The following ATXN1 variants were observed in gnomAD, a reference collection of about 807,000 sequenced individuals.
ATXN1 encodes the protein ataxin-1.
In ATXN1, 8 loss-of-function variants were observed where a neutral mutation model predicts 56.4. The ratio of observed to expected loss-of-function variants is 0.14; its 90% confidence interval spans 0.08 to 0.26. ATXN1 has a LOEUF of 0.26. Among genes scored for constraint, ATXN1 ranks in the 10% least tolerant of loss-of-function variants. The pLI is 1.00. For synonymous variants in ATXN1, 514 were observed against 494.6 expected, an observed-to-expected ratio of 1.04 and a Z score of -0.52; for missense variants, 987 against 1,106.5, an observed-to-expected ratio of 0.89 and a Z score of 1.53.
intron 4 of ATXN1, among the ~76,000 whole-genome samples, chr6:16,546,524 A>C (rs1172163479): frequency 6.6e-6 from 1 of 152,224 alleles, no homozygotes; most frequent in East Asian, 1.9e-4. Context: ...AAATTAACAC[A>C]GAAAATGAGC....
At chr6:16,426,530 G>A (rs953619505) in intron 6 of ATXN1, among the ~76,000 whole-genome samples, 10 of 152,060 alleles carry the variant, frequency 6.6e-5, no homozygotes, top group Non-Finnish European at 8.8e-5. Flanking sequence ...GAGTAAAAGC[G>A]CCAAGCCATG....
intron 2 of ATXN1, among the ~76,000 whole-genome samples, chr6:16,725,938 T>C (rs892838120): frequency 5.3e-5 from 8 of 152,222 alleles, no homozygotes; most frequent in African/African-American, 1.9e-4. Context: ...AGGCAGCTGA[T>C]ATTTCTCTGC....
intron 7 of ATXN1, among the ~76,000 whole-genome samples, chr6:16,308,322 TCACACACACACACACACA>T (rs35291830): frequency 1.5e-4 from 20 of 132,648 alleles, no homozygotes; most frequent in South Asian, 7.7e-4. Context: ...TGAAACTCCG[TCACACACACACACACACA>T]CACACACACA....
At chr6:16,732,245 T>C (rs1260829186) in intron 2 of ATXN1, among the ~76,000 whole-genome samples, 1 of 152,100 alleles carries the variant, frequency 6.6e-6, no homozygotes, top group East Asian at 1.9e-4. Flanking sequence ...TTATACTGCT[T>C]GGTGTTACAG....
chr6:16,626,840 T>C (rs1248679160), intron 3 of ATXN1, among the ~76,000 whole-genome samples: 1 of 152,152 alleles, frequency 6.6e-6, no homozygotes, highest in Non-Finnish European at 1.5e-5. Flanking sequence ...GGACACAGAC[T>C]TGGAGGGAAG....
chr6:16,753,332 T>C lies in ATXN1; in HGVS notation c.-714A>G, dbSNP rs572949633. The C allele has an allele frequency of 1.1e-5, 5 of 456,852 alleles. No individual in the cohort carries two copies. The highest frequency in any genetic ancestry group is 6.0e-5 in the African/African-American group (3 of 50,084). 28.3% of individuals were successfully genotyped at this position (456,852 alleles called of 1,614,324 possible). Reference sequence around the variant, plus strand: ...AGCTTGAATGGACCACCCTGGTGACTTGATGCACGATGCTCCTGCAATGGT... The same window carrying C: ...AGCTTGAATGGACCACCCTGGTGACCTGATGCACGATGCTCCTGCAATGGT... On this transcript the variant is annotated 5_prime_UTR_variant, in exon 2 of 8. Transcript: ENST00000436367.
Position 16,632,869 on chromosome 6 carries a change from C to T in ATXN1, c.-489+24907G>A, listed in dbSNP as rs542653034. Among the ~76,000 whole-genome samples the T allele has an allele frequency of 5.3e-5, 8 of 151,836 alleles. No individual in the cohort carries two copies. The South Asian group carries it at 8.3e-4, about 16-fold the overall frequency. ...AAAATTAGCCGGGTGTGGTGGCATG[C>T]GCCTGTAATCCCAGCTACTTGGGAG... is the stretch of plus-strand genomic sequence containing the variant. On this transcript the variant is annotated intron_variant, in intron 3 of 7. Coordinates refer to ENST00000436367, the MANE Select transcript of ATXN1 (RefSeq NM_001128164.2).
chr6:16,402,560 G>A (rs1452904239), intron 6 of ATXN1, among the ~76,000 whole-genome samples: 1 of 152,154 alleles, frequency 6.6e-6, no homozygotes, highest in Admixed American at 6.6e-5. Flanking sequence ...CATTACTTAT[G>A]AGATCTTTCC....
chr6:16,565,854 G>A (rs115131758), intron 4 of ATXN1, among the ~76,000 whole-genome samples: 2 of 152,300 alleles, frequency 1.3e-5, no homozygotes, highest in African/African-American at 2.4e-5. Context: ...TATGGTCAAT[G>A]GAGTATCAGC....
chr6:16,723,973 A>T (rs2113473550), intron 2 of ATXN1, among the ~76,000 whole-genome samples: 1 of 152,326 alleles, frequency 6.6e-6, no homozygotes, highest in Non-Finnish European at 1.5e-5. Flanking sequence ...AAAAGAGACT[A>T]TGAGGAAAGT....
intron 6 of ATXN1, among the ~76,000 whole-genome samples, chr6:16,372,926 TAAATAAATAAAC>T (rs1267262825): frequency 2.5e-4 from 36 of 142,574 alleles, no homozygotes; most frequent in African/African-American, 1.0e-3. Context: ...AATAAATAAA[TAAATAAATAAAC>T]AAACAAACAA....
intron 7 of ATXN1, among the ~76,000 whole-genome samples, chr6:16,323,604 C>CTGG (rs1760734499): frequency 1.3e-5 from 2 of 151,534 alleles, no homozygotes; most frequent in African/African-American, 4.9e-5. Context: ...GAAGTGTGGC[C>CTGG]CACAGCTGAA....
At chr6:16,603,059 A>T (rs1210587154) in intron 3 of ATXN1, among the ~76,000 whole-genome samples, 1 of 152,208 alleles carries the variant, frequency 6.6e-6, no homozygotes, top group Non-Finnish European at 1.5e-5. Flanking sequence ...CTAAGTGCCG[A>T]TAAAATAAAA....
intron 2 of ATXN1, among the ~76,000 whole-genome samples, chr6:16,658,927 G>C (rs1758261552): frequency 6.6e-6 from 1 of 152,200 alleles, no homozygotes; most frequent in Non-Finnish European, 1.5e-5. Flanking sequence ...AAGTGACCAA[G>C]TTGTAAGAAA....
intron 6 of ATXN1, among the ~76,000 whole-genome samples, chr6:16,344,860 C>T (rs766459360): frequency 1.3e-5 from 2 of 152,150 alleles, no homozygotes; most frequent in African/African-American, 2.4e-5. Context: ...ACAGTGGGTC[C>T]CCTAACTGCT....
At chr6:16,546,943 C>T (rs1404052645) in intron 4 of ATXN1, among the ~76,000 whole-genome samples, 4 of 152,188 alleles carry the variant, frequency 2.6e-5, no homozygotes, top group Admixed American at 2.6e-4. Context: ...ACAAATGTTT[C>T]ATATAATATA....
intron 3 of ATXN1, among the ~76,000 whole-genome samples, chr6:16,599,025 G>A (rs923783519): frequency 3.3e-5 from 5 of 152,262 alleles, no homozygotes; most frequent in African/African-American, 1.2e-4. Flanking sequence ...CATGCCAGCA[G>A]AAGGAACTAA....
intron 3 of ATXN1, among the ~76,000 whole-genome samples, chr6:16,651,820 G>A (rs1254811478): frequency 6.6e-6 from 1 of 152,234 alleles, no homozygotes; most frequent in East Asian, 1.9e-4. Flanking sequence ...TCATGATGGT[G>A]CAGATGCCTT....
intron 6 of ATXN1, among the ~76,000 whole-genome samples, chr6:16,367,333 T>TTCTCTTTCTCTC (rs1323098958): frequency 1.3e-5 from 1 of 79,144 alleles, no homozygotes; most frequent in East Asian, 3.9e-4. Flanking sequence ...AAGATTCTGT[T>TTCTCTTTCTCTC]TCTCTCTCTC....
Sources: gnomAD v4.1 joint callset for allele counts (sites outside exome capture counted in the v4.1 genomes callset) on GRCh38, gnomAD v4.1.1 for gene constraint, MANE v1.5 for transcripts, NCBI Gene and HGNC (gene_info 2026-07-23, HGNC 2026-07-21) for gene names.